The following GABRA2 variants were observed in gnomAD, a reference collection of about 807,000 sequenced individuals.
GABRA2 encodes the protein gamma-aminobutyric acid receptor subunit alpha-2.
A neutral mutation model predicts 48.7 loss-of-function variants in GABRA2; 16 were observed. That is an observed-to-expected ratio of 0.33 (90% CI 0.22 to 0.50). GABRA2 has a LOEUF of 0.50. GABRA2 is among the 20% of genes least tolerant of loss of function. The pLI, the probability that GABRA2 is intolerant of heterozygous loss-of-function variation, is 0.98. For missense variants in GABRA2, 275 were observed against 535.6 expected (o/e 0.51, Z 4.80); for synonymous variants, 185 against 184.5 (o/e 1.00, Z -0.02).
chr4:46,282,343 C>A (rs1721691523), intron 8 of GABRA2, among the ~76,000 whole-genome samples: 1 of 152,166 alleles, frequency 6.6e-6, no homozygotes, highest in Admixed American at 6.5e-5. Context: ...GTCTAACCAA[C>A]AAGACCCAAG....
chr4:46,355,822 T>A (rs564858908), intron 3 of GABRA2, among the ~76,000 whole-genome samples: 1 of 152,188 alleles, frequency 6.6e-6, no homozygotes, highest in Non-Finnish European at 1.5e-5. Context: ...CTGGGTTGAC[T>A]AAAATGGCAG....
At chr4:46,389,694 C>T (rs201466910) in intron 1 of GABRA2, 41 bp downstream of exon 1, 22 of 974,828 alleles carry the variant, frequency 2.3e-5, no homozygotes, top group Admixed American at 6.2e-5. Flanking sequence ...CAAAGACAAA[C>T]AGGAAAGTGT....
At chr4:46,307,768 G>A (rs1726952430) in intron 6 of GABRA2, among the ~76,000 whole-genome samples, 1 of 152,114 alleles carries the variant, frequency 6.6e-6, no homozygotes, top group African/African-American at 2.4e-5. Context: ...TTCTTCACAT[G>A]TCTTTTGAAA....
intron 3 of GABRA2, among the ~76,000 whole-genome samples, chr4:46,370,823 C>G (rs2109998419): frequency 6.6e-6 from 1 of 152,052 alleles, no homozygotes; most frequent in African/African-American, 2.4e-5. Flanking sequence ...TATTTCTCTA[C>G]AAAGAAAAAA....
At chr4:46,272,863 T>A (rs2109410252) in intron 8 of GABRA2, among the ~76,000 whole-genome samples, 1 of 152,154 alleles carries the variant, frequency 6.6e-6, no homozygotes, top group East Asian at 1.9e-4. Context: ...TTGATTATGC[T>A]AAGGTAATAT....
intron 8 of GABRA2, among the ~76,000 whole-genome samples, chr4:46,299,203 T>C (rs1276855046): frequency 6.6e-6 from 1 of 151,748 alleles, no homozygotes; most frequent in Non-Finnish European, 1.5e-5. Context: ...TAACCCTAAG[T>C]TAAATTTGGT....
chr4:46,374,174 A>G (rs929575487), intron 3 of GABRA2, among the ~76,000 whole-genome samples: 1 of 152,122 alleles, frequency 6.6e-6, no homozygotes, highest in African/African-American at 2.4e-5. Flanking sequence ...TAACTGAAAA[A>G]ATTTGAACTC....
chr4:46,246,317 A>G lies in GABRA2; in HGVS notation c.*3991T>C, dbSNP rs1713707565. ...ATATAAATTTTAACAGCAAAATATT[A>G]TGGATATTAAATAATTATGTTAAAT... is the stretch of plus-strand genomic sequence containing the variant. On this transcript the variant is annotated 3_prime_UTR_variant, in exon 10 of 10. Transcript: ENST00000381620. Among the ~76,000 whole-genome samples the G allele has an allele frequency of 6.6e-6, 1 of 151,032 alleles. No individual in the cohort carries two copies. Among genetic ancestry groups the G allele is most frequent in the South Asian group, 2.1e-4 (1 of 4,832 alleles).
At chr4:46,344,315 G>A (rs1319855411) in intron 3 of GABRA2, among the ~76,000 whole-genome samples, 1 of 151,868 alleles carries the variant, frequency 6.6e-6, no homozygotes, top group Admixed American at 6.6e-5. Flanking sequence ...TGATGCTGCT[G>A]AGAGATCCAG....
At chr4:46,251,080 G>A (rs932083044) in intron 9 of GABRA2, among the ~76,000 whole-genome samples, 17 of 151,482 alleles carry the variant, frequency 1.1e-4, no homozygotes, top group Non-Finnish European at 2.2e-4. Context: ...CAGATGATGG[G>A]AAATTGTAAC....
chr4:46,279,533 G>A (rs1721117430), intron 8 of GABRA2, among the ~76,000 whole-genome samples: 1 of 151,558 alleles, frequency 6.6e-6, no homozygotes, highest in Non-Finnish European at 1.5e-5. Flanking sequence ...TCACAACTGT[G>A]TTCTTCCATA....
At chr4:46,266,023 G>C (rs904478691) in intron 8 of GABRA2, among the ~76,000 whole-genome samples, 2 of 151,672 alleles carry the variant, frequency 1.3e-5, no homozygotes. Context: ...TGTGGTGTAA[G>C]AACATACTTT....
chr4:46,320,570 A>T (rs1195204686), intron 4 of GABRA2, among the ~76,000 whole-genome samples: 1 of 151,926 alleles, frequency 6.6e-6, no homozygotes, highest in Non-Finnish European at 1.5e-5. Flanking sequence ...TACATAAGGA[A>T]TTCACACAAC....
chr4:46,326,345 C>T (rs914472811), intron 4 of GABRA2, among the ~76,000 whole-genome samples: 2 of 151,840 alleles, frequency 1.3e-5, no homozygotes, highest in African/African-American at 2.4e-5. Flanking sequence ...TTTTACTATG[C>T]GCAAAACACA....
chr4:46,290,098 A>G (rs1045769990), intron 8 of GABRA2, among the ~76,000 whole-genome samples: 3 of 125,006 alleles, frequency 2.4e-5, no homozygotes, highest in Admixed American at 1.6e-4. Flanking sequence ...TTTTTTTTTT[A>G]GTAGAGACGG....
chr4:46,257,260 T>C (rs1167627900), intron 9 of GABRA2, among the ~76,000 whole-genome samples: 1 of 151,686 alleles, frequency 6.6e-6, no homozygotes, highest in Non-Finnish European at 1.5e-5. Context: ...TTTCATATTA[T>C]GTAAAATCAG....
At chr4:46,380,181 T>C (rs1268678679) in intron 3 of GABRA2, among the ~76,000 whole-genome samples, 1 of 152,240 alleles carries the variant, frequency 6.6e-6, no homozygotes, top group Non-Finnish European at 1.5e-5. Flanking sequence ...GCTTTGCTTC[T>C]ATAGGCAAAT....
chr4:46,367,773 T>C (rs1478848079), intron 3 of GABRA2: 1 of 152,188 alleles, frequency 6.6e-6, no homozygotes, highest in Non-Finnish European at 1.5e-5. Flanking sequence ...ACAGTTTGTA[T>C]AATCAGTCAC....
At chr4:46,262,561 G>T (rs1028834192) in intron 8 of GABRA2, among the ~76,000 whole-genome samples, 4 of 151,962 alleles carry the variant, frequency 2.6e-5, no homozygotes, top group Non-Finnish European at 4.4e-5. Flanking sequence ...TTAAGCAATG[G>T]ACCAATAACC....
Sources: gnomAD v4.1 joint callset for allele counts (sites outside exome capture counted in the v4.1 genomes callset) on GRCh38, gnomAD v4.1.1 for gene constraint, MANE v1.5 for transcripts, NCBI Gene and HGNC (gene_info 2026-07-23, HGNC 2026-07-21) for gene names.